TRPC6: variants seen among roughly 807,000 people sequenced by gnomAD.
TRPC6 encodes the protein transient receptor potential cation channel subfamily C member 6, also known as short transient receptor potential channel 6.
In TRPC6, 55 loss-of-function variants were observed where a neutral mutation model predicts 90.7. The observed-to-expected ratio is 0.61, with a 90% CI of 0.49 to 0.76. The LOEUF (loss-of-function observed/expected upper bound fraction) is 0.76. Ranked by LOEUF, TRPC6 falls within the 30% of genes least tolerant of loss-of-function variation. TRPC6 has a pLI of 0.00. For synonymous variants in TRPC6, 393 were observed against 393.0 expected (o/e 1.00, Z 0.00); for missense variants, 989 against 1,122.7 (o/e 0.88, Z 1.70).
chr11:101,455,263 AG>A (rs1394098691), intron 10 of TRPC6, 162 bp from the exon 11 acceptor site: 5 of 624,496 alleles, frequency 8.0e-6, no homozygotes, highest in East Asian at 5.8e-5. Flanking sequence ...AAGACAAATC[AG>A]TGACATTTTA....
chr11:101,523,480 A>G (rs1372353031), intron 1 of TRPC6, among the ~76,000 whole-genome samples: 2 of 152,232 alleles, frequency 1.3e-5, no homozygotes, highest in Non-Finnish European at 2.9e-5. Flanking sequence ...CATTGTCTTC[A>G]ACTATCTGTA....
At chr11:101,511,479 C>A (rs1860392279) in intron 1 of TRPC6, among the ~76,000 whole-genome samples, 1 of 152,048 alleles carries the variant, frequency 6.6e-6, no homozygotes, top group Non-Finnish European at 1.5e-5. Context: ...TCCCTATTAA[C>A]CTGACTGCAA....
intron 1 of TRPC6, among the ~76,000 whole-genome samples, chr11:101,550,166 A>C (rs1861419525): frequency 6.6e-6 from 1 of 151,624 alleles, no homozygotes; most frequent in South Asian, 2.1e-4. Context: ...AAGAATAAAA[A>C]TTTAGAATCA....
At chr11:101,463,206 T>C (rs1859050921) in intron 10 of TRPC6, among the ~76,000 whole-genome samples, 1 of 152,196 alleles carries the variant, frequency 6.6e-6, no homozygotes, top group South Asian at 2.1e-4. Context: ...CTGGATTCGG[T>C]TTGCCAGTAT....
chr11:101,527,022 C>T (rs1860796870), intron 1 of TRPC6, among the ~76,000 whole-genome samples: 1 of 139,346 alleles, frequency 7.2e-6, no homozygotes, highest in Non-Finnish European at 1.7e-5. Context: ...AACAAGACTA[C>T]AATTTCAAAA....
intron 4 of TRPC6, 68 bp downstream of exon 4, chr11:101,488,869 G>A (rs961856281): frequency 6.3e-7 from 1 of 1,575,848 alleles, no homozygotes; most frequent in Non-Finnish European, 8.7e-7. Context: ...TCACTTTGGA[G>A]ATAAGATTTT....
intron 5 of TRPC6, 51 bp downstream of exon 5, chr11:101,482,898 T>C (rs755553136): frequency 2.5e-6 from 4 of 1,571,676 alleles, no homozygotes; most frequent in Middle Eastern, 1.9e-4. Flanking sequence ...TGTCATTCAG[T>C]CCAACTGCTA....
chr11:101,561,304 T>C (rs1430152777), intron 1 of TRPC6, among the ~76,000 whole-genome samples: 1 of 152,190 alleles, frequency 6.6e-6, no homozygotes, highest in Admixed American at 6.6e-5. Context: ...TCAAGTACTG[T>C]CCTCCTTCTC....
chr11:101,459,786 A>C (rs1858963340), intron 10 of TRPC6, among the ~76,000 whole-genome samples: 1 of 152,220 alleles, frequency 6.6e-6, no homozygotes, highest in Non-Finnish European at 1.5e-5. Flanking sequence ...AGAGCCAATT[A>C]CACTGACCTA....
intron 3 of TRPC6, 73 bp downstream of exon 3, chr11:101,491,483 T>C: frequency 6.5e-7 from 1 of 1,546,562 alleles, no homozygotes; most frequent in Middle Eastern, 1.7e-4. Context: ...AATCTAACAA[T>C]ATCAACCCTT....
At chr11:101,555,639 G>A (rs1180640598) in intron 1 of TRPC6, among the ~76,000 whole-genome samples, 1 of 152,118 alleles carries the variant, frequency 6.6e-6, no homozygotes, top group Non-Finnish European at 1.5e-5. Flanking sequence ...ATGAACATGG[G>A]AACATTATGT....
At chr11:101,518,939 C>T (rs185030604) in intron 1 of TRPC6, among the ~76,000 whole-genome samples, 74 of 152,172 alleles carry the variant, frequency 4.9e-4, no homozygotes, top group Admixed American at 8.5e-4. Flanking sequence ...AAGCCAGGTA[C>T]GGAAAGACAA....
chr11:101,577,523 A>G (rs999829311), intron 1 of TRPC6, among the ~76,000 whole-genome samples: 2 of 152,150 alleles, frequency 1.3e-5, no homozygotes, highest in African/African-American at 4.8e-5. Flanking sequence ...AAAAGAAATA[A>G]AGTTTGGAAA....
chr11:101,514,408 G>A (rs1416448361), intron 1 of TRPC6, among the ~76,000 whole-genome samples: 1 of 152,196 alleles, frequency 6.6e-6, no homozygotes, highest in Non-Finnish European at 1.5e-5. Flanking sequence ...CTGAGGACAT[G>A]TCACTTAGCC....
chr11:101,489,077 G>C lies in TRPC6; in HGVS notation c.1153C>G (p.Gln385Glu). ...KKFVAHPNCQ[Q>E]QLLSIWYENL... The stretch of plus-strand genomic sequence containing the variant: ...TCATACCAAATGGAGAGAAGTTGCT[G>C]TTGGCAGTTTGGATGAGCTACAAAC... The change falls in exon 4 of 13, where the codon CAG becomes GAG. Residue 385 changes from glutamine (Q) to glutamate (E), a missense_variant. Gln to Glu is a conservative substitution (Grantham distance 29, BLOSUM62 2). This residue lies in a region of TRPC6 where 486 missense variants were observed against 591.9 expected (regional missense o/e 0.82). Transcript: ENST00000344327. 6.2e-7 allele frequency: 1 copy of C among 1,614,136 alleles called. No individual in the cohort carries two copies.
intron 1 of TRPC6, among the ~76,000 whole-genome samples, chr11:101,565,577 T>A (rs77793667): frequency 0.029 from 4,374 of 152,174 alleles, 119 homozygotes; most frequent in African/African-American, 0.069. Context: ...GGAATTTTTT[T>A]AATATACTTT....
intron 1 of TRPC6, among the ~76,000 whole-genome samples, chr11:101,545,418 G>A (rs11224839): frequency 0.35 from 52,473 of 151,858 alleles, 9,321 homozygotes; most frequent in East Asian, 0.44. Flanking sequence ...CGTGGGGAGT[G>A]GGGAACCCAA....
At chr11:101,556,481 T>C (rs188158236) in intron 1 of TRPC6, among the ~76,000 whole-genome samples, 98 of 152,192 alleles carry the variant, frequency 6.4e-4, no homozygotes, top group African/African-American at 2.2e-3. Flanking sequence ...CCTAGATACA[T>C]AGAACCCGCC....
intron 10 of TRPC6, 62 bp from the exon 11 acceptor site, chr11:101,455,163 G>C (rs1858855003): frequency 7.5e-7 from 1 of 1,339,796 alleles, no homozygotes; most frequent in Non-Finnish European, 1.1e-6. Flanking sequence ...ATAAAGTAGT[G>C]AGATTAGTTA....
Sources: gnomAD v4.1 joint callset for allele counts (sites outside exome capture counted in the v4.1 genomes callset) on GRCh38, gnomAD v4.1.1 for gene constraint, gnomAD v4.1.1 regional missense constraint, MANE v1.5 for transcripts, NCBI Gene and HGNC (gene_info 2026-07-23, HGNC 2026-07-21) for gene names.